FHIT: variants seen among roughly 807,000 people sequenced by gnomAD.
FHIT encodes fragile histidine triad diadenosine triphosphatase, also known as bis(5'-adenosyl)-triphosphatase.
In FHIT, 19 loss-of-function variants were observed where a neutral mutation model predicts 17.9. The ratio of observed to expected loss-of-function variants is 1.06; its 90% CI spans 0.74 to 1.56. FHIT has a LOEUF of 1.56. Among genes scored for constraint, FHIT ranks in the 40% most tolerant of loss-of-function variants. The pLI, the probability that FHIT is intolerant of heterozygous loss-of-function variation, is 0.00. For missense variants in FHIT, 248 were observed against 189.2 expected (o/e 1.31, Z -1.82); for synonymous variants, 81 against 69.7 (o/e 1.16, Z -0.81).
At chr3:60,931,405 G>T (rs528682063) in intron 3 of FHIT, among the ~76,000 whole-genome samples, 1 of 151,958 alleles carries the variant, frequency 6.6e-6, no homozygotes, top group Non-Finnish European at 1.5e-5. Context: ...ACATATTTAC[G>T]TATTCATGTA....
chr3:60,143,763 A>T (rs1700128732), intron 5 of FHIT, among the ~76,000 whole-genome samples: 1 of 152,142 alleles, frequency 6.6e-6, no homozygotes, highest in Admixed American at 6.5e-5. Context: ...TAACCTTGTT[A>T]CTGTAATTTC....
At chr3:60,062,911 C>T (rs560230115) in intron 5 of FHIT, among the ~76,000 whole-genome samples, 62 of 152,154 alleles carry the variant, frequency 4.1e-4, no homozygotes, top group Middle Eastern at 6.8e-3. Context: ...AAAAGGCAAA[C>T]CTTCTTTTCC....
chr3:59,747,309 G>T lies in FHIT; in HGVS notation c.*2276C>A, dbSNP rs965157666. 6.6e-6 allele frequency among the ~76,000 whole-genome samples: 1 copy of T among 152,104 alleles called. No individual in the cohort carries two copies. Among genetic ancestry groups the T allele is most frequent in the Non-Finnish European group, 1.5e-5 (1 of 68,024 alleles). Reference sequence around the variant, plus strand: ...TAAAGGAATGAGGTTTAATGGACTCGCAATCATGGAGGAAGGCAAAAGAGG... The same window carrying T: ...TAAAGGAATGAGGTTTAATGGACTCTCAATCATGGAGGAAGGCAAAAGAGG... On this transcript the variant is annotated 3_prime_UTR_variant, in exon 10 of 10. Transcript: ENST00000492590.
chr3:60,141,288 G>C (rs1489612939), intron 5 of FHIT, among the ~76,000 whole-genome samples: 2 of 151,750 alleles, frequency 1.3e-5, no homozygotes, highest in Non-Finnish European at 2.9e-5. Flanking sequence ...CAGGGTTGTG[G>C]GAATTACAAT....
chr3:60,922,256 C>G (rs1707324562), intron 3 of FHIT, among the ~76,000 whole-genome samples: 2 of 152,174 alleles, frequency 1.3e-5, no homozygotes, highest in Admixed American at 1.3e-4. Context: ...GGCACATTTG[C>G]TGGATAAATT....
Position 60,290,295 on chromosome 3 carries a change from C to T in FHIT, c.103+246565G>A, listed in dbSNP as rs538038501. Among the ~76,000 whole-genome samples, 35 of 152,278 alleles carry T rather than the reference C, an allele frequency of 2.3e-4. No individual in the cohort carries two copies. In the South Asian group the frequency reaches 6.8e-3, roughly 30 times the overall value. ...CCCACCACCTCCTGCTATTCACACC[C>T]TTATGTAATCTTCTCTCACTTTGAA... On this transcript the variant is annotated intron_variant, in intron 5 of 9. Transcript: ENST00000492590.
chr3:60,023,820 GA>G (rs986922437), intron 5 of FHIT, among the ~76,000 whole-genome samples: 1 of 152,044 alleles, frequency 6.6e-6, no homozygotes, highest in African/African-American at 2.4e-5. Context: ...AATACTTGGT[GA>G]AAAAATAAAT....
intron 3 of FHIT, among the ~76,000 whole-genome samples, chr3:60,921,006 T>A (rs141061658): frequency 1.4e-4 from 22 of 152,306 alleles, no homozygotes; most frequent in African/African-American, 5.3e-4. Flanking sequence ...TATAGGTTCA[T>A]TTGGTAACTC....
At chr3:59,882,109 C>A (rs1703432767) in intron 8 of FHIT, among the ~76,000 whole-genome samples, 1 of 152,014 alleles carries the variant, frequency 6.6e-6, no homozygotes, top group Non-Finnish European at 1.5e-5. Context: ...ATTAGCATTG[C>A]ATACTTTCAG....
chr3:60,198,216 T>C (rs1702734808), intron 5 of FHIT, among the ~76,000 whole-genome samples: 2 of 152,184 alleles, frequency 1.3e-5, no homozygotes, highest in South Asian at 2.1e-4. Context: ...AAATACATCT[T>C]ATCTTAGGTA....
At chr3:60,377,806 C>T (rs975548869) in intron 5 of FHIT, among the ~76,000 whole-genome samples, 3 of 151,996 alleles carry the variant, frequency 2.0e-5, no homozygotes, top group African/African-American at 7.3e-5. Flanking sequence ...AAGAAAATAT[C>T]CTAGTGAGAG....
At chr3:60,030,204 T>A (rs903550474) in intron 5 of FHIT, among the ~76,000 whole-genome samples, 7 of 152,146 alleles carry the variant, frequency 4.6e-5, no homozygotes, top group Admixed American at 4.6e-4. Flanking sequence ...GATTACATAA[T>A]GAGTAACATC....
intron 4 of FHIT, among the ~76,000 whole-genome samples, chr3:60,674,752 G>C (rs2040583083): frequency 6.6e-6 from 1 of 152,048 alleles, no homozygotes. Flanking sequence ...TCCCATCTCT[G>C]GGCAACCACT....
intron 4 of FHIT, among the ~76,000 whole-genome samples, chr3:60,732,966 G>A (rs1352834340): frequency 1.3e-5 from 2 of 152,098 alleles, no homozygotes; most frequent in Admixed American, 6.5e-5. Context: ...GATTACAGGC[G>A]TGAGCCACCA....
At chr3:60,324,311 C>A (rs935373789) in intron 5 of FHIT, among the ~76,000 whole-genome samples, 2 of 136,918 alleles carry the variant, frequency 1.5e-5, no homozygotes, top group Non-Finnish European at 1.6e-5. Context: ...TAAGGCCGGG[C>A]GCGATGGCTC....
chr3:61,056,153 GGCTCACGCCTGTAATCCCA>G (rs1173678251), intron 2 of FHIT, among the ~76,000 whole-genome samples: 1 of 152,206 alleles, frequency 6.6e-6, no homozygotes, highest in Non-Finnish European at 1.5e-5. Flanking sequence ...TGGGTGGGAT[GGCTCACGCCTGTAATCCCA>G]GCTCTCAGGG....
chr3:59,903,284 G>C (rs1043580236), intron 8 of FHIT, among the ~76,000 whole-genome samples: 3 of 152,170 alleles, frequency 2.0e-5, no homozygotes, highest in Non-Finnish European at 2.9e-5. Context: ...TATGGAAGGG[G>C]AGGAATGGGG....
chr3:60,859,480 C>T (rs1202712646), intron 3 of FHIT, among the ~76,000 whole-genome samples: 4 of 151,980 alleles, frequency 2.6e-5, no homozygotes, highest in Non-Finnish European at 5.9e-5. Flanking sequence ...AGTGGAGTTA[C>T]GTGGGTCCAA....
intron 4 of FHIT, among the ~76,000 whole-genome samples, chr3:60,669,297 G>C (rs1553693288): frequency 6.6e-6 from 1 of 152,184 alleles, no homozygotes. Context: ...GTAACAGGGA[G>C]AAACTTGCTT....
Sources: gnomAD v4.1 joint callset for allele counts (sites outside exome capture counted in the v4.1 genomes callset) on GRCh38, gnomAD v4.1.1 for gene constraint, MANE v1.5 for transcripts, NCBI Gene and HGNC (gene_info 2026-07-23, HGNC 2026-07-21) for gene names.